PPARGC1A: variants seen among roughly 807,000 people sequenced by gnomAD.
PPARGC1A encodes the protein peroxisome proliferator-activated receptor gamma coactivator 1-alpha.
PPARGC1A carries 25 observed loss-of-function variants against 88.7 expected under a neutral mutation model. That is an observed-to-expected ratio of 0.28 (90% CI 0.21 to 0.39). The LOEUF (loss-of-function observed/expected upper bound fraction) is 0.39. PPARGC1A is among the 10% of genes least tolerant of loss of function. The pLI, the probability that PPARGC1A is intolerant of heterozygous loss-of-function variation, is 1.00. For synonymous variants in PPARGC1A, 363 were observed against 355.6 expected (o/e 1.02, Z -0.24); for missense variants, 880 against 968.7 (o/e 0.91, Z 1.22).
chr4:24,298,711 T>C, the PPARGC1A span, among the ~76,000 whole-genome samples: 2 of 152,126 alleles, frequency 1.3e-5, no homozygotes, highest in Non-Finnish European at 2.9e-5. Context: ...CAGTTGAAAA[T>C]GTGTAGTGTC....
At chr4:24,190,874 C>A in the PPARGC1A span, among the ~76,000 whole-genome samples, 4 of 152,194 alleles carry the variant, frequency 2.6e-5, no homozygotes, top group African/African-American at 9.7e-5. Flanking sequence ...GCTGCAGCCC[C>A]TCAAGAGGAA....
the PPARGC1A span, among the ~76,000 whole-genome samples, chr4:23,946,819 CACACACACAT>C: frequency 6.6e-6 from 1 of 151,944 alleles, no homozygotes; most frequent in South Asian, 2.1e-4. Context: ...TGTACACACA[CACACACACAT>C]ACACACACAC....
chr4:24,254,436 C>G, the PPARGC1A span, among the ~76,000 whole-genome samples: 1 of 152,160 alleles, frequency 6.6e-6, no homozygotes, highest in Non-Finnish European at 1.5e-5. Context: ...TTCCATAAAG[C>G]TCTTTTCTTC....
At chr4:24,331,662 A>G in the PPARGC1A span, among the ~76,000 whole-genome samples, 145,425 of 152,180 alleles carry the variant, frequency 0.96, 69,860 homozygotes, top group East Asian at 1. Context: ...TGTACACAAA[A>G]CATTTTCCCC....
the PPARGC1A span, among the ~76,000 whole-genome samples, chr4:24,309,713 CTAGAACTA>C: frequency 6.6e-6 from 1 of 152,118 alleles, no homozygotes; most frequent in African/African-American, 2.4e-5. Context: ...TCCTGAGCAG[CTAGAACTA>C]TAGGCATGTG....
chr4:24,187,201 G>A, the PPARGC1A span, among the ~76,000 whole-genome samples: 3 of 152,194 alleles, frequency 2.0e-5, no homozygotes, highest in Non-Finnish European at 2.9e-5. Context: ...GTGATGCAAT[G>A]ATGATGGCTA....
chr4:24,360,357 C>T, the PPARGC1A span, among the ~76,000 whole-genome samples: 1 of 152,142 alleles, frequency 6.6e-6, no homozygotes, highest in South Asian at 2.1e-4. Flanking sequence ...CCTCATCCTT[C>T]CTTGGAACTC....
chr4:24,086,818 T>C, the PPARGC1A span, among the ~76,000 whole-genome samples: 1 of 152,222 alleles, frequency 6.6e-6, no homozygotes, highest in Admixed American at 6.5e-5. Context: ...TTCTAAACAC[T>C]TTCAAGAATG....
chr4:23,921,063 C>T, the PPARGC1A span, among the ~76,000 whole-genome samples: 1 of 151,998 alleles, frequency 6.6e-6, no homozygotes, highest in Non-Finnish European at 1.5e-5. Context: ...CCCACTCCTA[C>T]CACCTTTCTC....
the PPARGC1A span, among the ~76,000 whole-genome samples, chr4:24,234,414 A>C: frequency 6.6e-6 from 1 of 152,224 alleles, no homozygotes; most frequent in Non-Finnish European, 1.5e-5. Flanking sequence ...CAGAAAACTG[A>C]GTTCATTACA....
At chr4:24,038,599 C>T in the PPARGC1A span, among the ~76,000 whole-genome samples, 3 of 152,186 alleles carry the variant, frequency 2.0e-5, no homozygotes, top group Non-Finnish European at 4.4e-5. Flanking sequence ...CCTGAAACCA[C>T]TCCTAGTGTT....
the PPARGC1A span, among the ~76,000 whole-genome samples, chr4:24,311,630 A>T: frequency 7.2e-5 from 11 of 151,804 alleles, no homozygotes; most frequent in African/African-American, 2.7e-4. Context: ...ACAGAGCAAG[A>T]CTCCATCTCA....
chr4:23,994,038 G>A, the PPARGC1A span, among the ~76,000 whole-genome samples: 1 of 152,142 alleles, frequency 6.6e-6, no homozygotes, highest in African/African-American at 2.4e-5. Flanking sequence ...AAGTTTCTAG[G>A]TAATGTGAAT....
intron 1 of PPARGC1A, among the ~76,000 whole-genome samples, chr4:23,895,935 GAT>G (rs1491277785): frequency 1.3e-4 from 15 of 116,846 alleles, no homozygotes; most frequent in Non-Finnish European, 2.1e-4. Context: ...AAATTATAGA[GAT>G]GTGTGTGTGT....
At chr4:23,910,312 AATATTATAT>A in the PPARGC1A span, among the ~76,000 whole-genome samples, 879 of 47,408 alleles carry the variant, frequency 0.019, 11 homozygotes, top group Non-Finnish European at 0.025. Flanking sequence ...CCCTATATAT[AATATTATAT>A]ATATTATATA....
the PPARGC1A span, among the ~76,000 whole-genome samples, chr4:24,363,098 T>C: frequency 6.6e-6 from 1 of 152,228 alleles, no homozygotes; most frequent in African/African-American, 2.4e-5. Flanking sequence ...CTGGAGATTA[T>C]TCCTTTTCAT....
At chr4:24,170,146 T>C in the PPARGC1A span, among the ~76,000 whole-genome samples, 1 of 152,052 alleles carries the variant, frequency 6.6e-6, no homozygotes, top group Non-Finnish European at 1.5e-5. Context: ...GCATAGCAGG[T>C]GGTGCCACCT....
intron 7 of PPARGC1A, among the ~76,000 whole-genome samples, chr4:23,818,840 T>TA (rs1722461020): frequency 4.2e-5 from 1 of 24,094 alleles, no homozygotes; most frequent in Non-Finnish European, 8.3e-5. Context: ...CAATGGCATC[T>TA]TTTTTTTTTT....
At chr4:24,282,755 C>G in the PPARGC1A span, among the ~76,000 whole-genome samples, 1 of 152,246 alleles carries the variant, frequency 6.6e-6, no homozygotes, top group African/African-American at 2.4e-5. Flanking sequence ...AAAACTTTTA[C>G]CTTTTTTTCC....
Sources: gnomAD v4.1 joint callset for allele counts (sites outside exome capture counted in the v4.1 genomes callset) on GRCh38, gnomAD v4.1.1 for gene constraint, MANE v1.5 for transcripts, NCBI Gene and HGNC (gene_info 2026-07-23, HGNC 2026-07-21) for gene names.